The following CDH23 variants were observed in gnomAD, a reference collection of about 807,000 sequenced individuals.
CDH23 encodes cadherin related 23, also known as cadherin-23.
CDH23 carries 189 observed loss-of-function variants against 317.1 expected under a neutral mutation model. The ratio of observed to expected loss-of-function variants is 0.60; its 90% CI spans 0.53 to 0.67. The LOEUF is 0.67. CDH23 is among the 30% of genes least tolerant of loss of function. The pLI, the probability that CDH23 is intolerant of heterozygous loss-of-function variation, is 0.00. For synonymous variants in CDH23, 1,839 were observed against 1,876.8 expected, an observed-to-expected ratio of 0.98 and a Z score of 0.52; for missense variants, 4,401 against 4,592.4, an observed-to-expected ratio of 0.96 and a Z score of 1.20.
At chr10:71,460,231 G>A (rs575909741) in intron 3 of CDH23, among the ~76,000 whole-genome samples, 2 of 152,310 alleles carry the variant, frequency 1.3e-5, no homozygotes, top group African/African-American at 4.8e-5. Context: ...CAGCCCAGGG[G>A]CTGGTACAGG....
chr10:71,738,712 TGGA>T (rs1488319015), intron 35 of CDH23, 65 bp downstream of exon 35: 1 of 1,563,390 alleles, frequency 6.4e-7, no homozygotes, highest in African/African-American at 1.4e-5. Context: ...CTCTCACAGC[TGGA>T]GGGGCCTTCT....
intron 38 of CDH23, among the ~76,000 whole-genome samples, chr10:71,743,262 T>C (rs185571561): frequency 7.9e-5 from 12 of 152,282 alleles, no homozygotes; most frequent in Non-Finnish European, 1.5e-4. Flanking sequence ...AGTTTTGTAA[T>C]CTGTCTCCTG....
intron 14 of CDH23, among the ~76,000 whole-genome samples, chr10:71,647,434 G>T (rs1323196343): frequency 6.7e-5 from 10 of 150,086 alleles, no homozygotes; most frequent in Non-Finnish European, 1.3e-4. Flanking sequence ...CTGCCCTCCA[G>T]CCTGGGCGAC....
chr10:71,554,224 G>A (rs7912447), intron 6 of CDH23, among the ~76,000 whole-genome samples: 33,340 of 151,938 alleles, frequency 0.22, 3,688 homozygotes, highest in South Asian at 0.28. Flanking sequence ...TTGAGACAGG[G>A]TCTCACTCTG....
At chr10:71,722,671 A>G (rs1436324823) in intron 28 of CDH23, among the ~76,000 whole-genome samples, 1 of 152,202 alleles carries the variant, frequency 6.6e-6, no homozygotes, top group Admixed American at 6.5e-5. Flanking sequence ...GGGGGCTATA[A>G]TTTCATATGC....
At chr10:71,488,742 G>T (rs1048339015) in intron 3 of CDH23, among the ~76,000 whole-genome samples, 6 of 152,254 alleles carry the variant, frequency 3.9e-5, no homozygotes, top group Admixed American at 3.9e-4. Context: ...TTGTTCACCT[G>T]AACTTCTTTC....
chr10:71,603,160 A>AGGGG (rs1860328352), intron 9 of CDH23, among the ~76,000 whole-genome samples: 1 of 151,944 alleles, frequency 6.6e-6, no homozygotes, highest in Non-Finnish European at 1.5e-5. Flanking sequence ...GAGCCAGAGG[A>AGGGG]GGGGGTGACA....
At chr10:71,569,163 C>T (rs953895072) in intron 7 of CDH23, among the ~76,000 whole-genome samples, 3 of 152,194 alleles carry the variant, frequency 2.0e-5, no homozygotes, top group South Asian at 2.1e-4. Flanking sequence ...GGCTGCCTGC[C>T]GAGAACCTCT....
At position 71,690,456 on chromosome 10, in the gene CDH23, T is replaced by A. The variant is rs1182753065; in HGVS notation, c.2060-12T>A. On this transcript the variant is annotated splice_polypyrimidine_tract_variant and intron_variant, in intron 19 of 69. Transcript: ENST00000224721. ...AGCAGCACCCCCTGCCCCCACCTTT[T>A]TCCCCCTGAAGGAGCCACGGTGCTG... 3.8e-6 allele frequency: 6 copies of A among 1,579,400 alleles called. No homozygotes were observed. The African/African-American group carries it at 6.8e-5, about 18-fold the overall frequency.
intron 3 of CDH23, among the ~76,000 whole-genome samples, chr10:71,493,137 G>A (rs1852759750): frequency 6.6e-6 from 1 of 152,134 alleles, no homozygotes; most frequent in Admixed American, 6.5e-5. Flanking sequence ...TGTTGGCAGG[G>A]GAATCCCAGA....
intron 3 of CDH23, among the ~76,000 whole-genome samples, chr10:71,480,564 G>A (rs1244384751): frequency 6.6e-6 from 1 of 152,222 alleles, no homozygotes; most frequent in Non-Finnish European, 1.5e-5. Context: ...ATGTGAGGAT[G>A]GAGGAGTGTT....
At chr10:71,724,166 T>C in intron 29 of CDH23, 61 bp downstream of exon 29, 1 of 1,527,692 alleles carries the variant, frequency 6.5e-7, no homozygotes. Context: ...GCAGAGCTTC[T>C]CTAGGCTGCC....
intron 14 of CDH23, among the ~76,000 whole-genome samples, chr10:71,650,023 G>A (rs1018469828): frequency 2.6e-5 from 4 of 152,220 alleles, no homozygotes; most frequent in Non-Finnish European, 5.9e-5. Context: ...TGGGACCACT[G>A]AGCCTAGTCC....
At chr10:71,678,594 C>T (rs1376509636) in intron 16 of CDH23, among the ~76,000 whole-genome samples, 1 of 152,178 alleles carries the variant, frequency 6.6e-6, no homozygotes, top group Non-Finnish European at 1.5e-5. Flanking sequence ...AGAACATGTG[C>T]CCGCCCAGCC....
At position 71,605,571 on chromosome 10, in the gene CDH23, T is replaced by C. The variant is rs952304777; in HGVS notation, c.833-9933T>C. Among the ~76,000 whole-genome samples, 14 of 152,364 alleles carry C rather than the reference T, an allele frequency of 9.2e-5. 1 individual carries two copies. In the South Asian group the frequency reaches 1.4e-3, roughly 16 times the overall value. ...CACTCAGATAATCTGTGTTCACATT[T>C]TGCTAACATTTCATTCCTTTTTTCT... On this transcript the variant is annotated intron_variant, in intron 9 of 69. Transcript: ENST00000224721.
Position 71,397,254 on chromosome 10 carries a change from C to T in CDH23, c.-70C>T, listed in dbSNP as rs1384527592. 2.0e-5 allele frequency: 4 copies of T among 198,078 alleles called. No individual in the cohort carries two copies. Among genetic ancestry groups the T allele is most frequent in the Non-Finnish European group, 4.1e-5 (4 of 98,200 alleles). 12.3% of individuals were successfully genotyped at this position (198,078 alleles called of 1,614,324 possible). On this transcript the variant is annotated 5_prime_UTR_variant, in exon 1 of 70. Coordinates refer to ENST00000224721, the MANE Select transcript of CDH23 (RefSeq NM_022124.6). The surrounding 1 kb of genome is among the most constrained non-coding windows in gnomAD (Gnocchi z 4.8). ...GGCCAGAGCAGGCGGCCCGCGGGGG[C>T]CGATCCGGCGGAGAGCAGAGCCCGA...
intron 24 of CDH23, among the ~76,000 whole-genome samples, chr10:71,704,346 T>C (rs529795283): frequency 8.9e-4 from 135 of 152,312 alleles, no homozygotes; most frequent in African/African-American, 3.2e-3. Flanking sequence ...GAGAACAGTG[T>C]AGGAATTTGG....
intron 6 of CDH23, among the ~76,000 whole-genome samples, chr10:71,527,767 G>A (rs999271887): frequency 3.3e-5 from 5 of 152,104 alleles, no homozygotes; most frequent in African/African-American, 1.2e-4. Context: ...AAATGGGGAC[G>A]ATCACAAACT....
rs919122644 is a variant in CDH23, at chr10:71,510,055, C to T, written c.146-27C>T. Reference sequence around the variant, plus strand: ...ATAAACGTGACCTCTCTTATTTTCCCTCTGCTCTCTCCCTTGGCTACTCCA... The same window carrying T: ...ATAAACGTGACCTCTCTTATTTTCCTTCTGCTCTCTCCCTTGGCTACTCCA... On this transcript the variant is annotated intron_variant, in intron 3 of 69. Coordinates refer to ENST00000224721, the MANE Select transcript of CDH23 (RefSeq NM_022124.6). 5 of 1,613,822 alleles carry T rather than the reference C, an allele frequency of 3.1e-6. No individual in the cohort carries two copies. In the African/African-American group the frequency reaches 6.7e-5, roughly 22 times the overall value.
Sources: gnomAD v4.1 joint callset for allele counts (sites outside exome capture counted in the v4.1 genomes callset) on GRCh38, gnomAD v4.1.1 for gene constraint, Gnocchi (gnomAD v3.1) non-coding constraint, MANE v1.5 for transcripts, NCBI Gene and HGNC (gene_info 2026-07-23, HGNC 2026-07-21) for gene names.